CSMD1: variants seen among roughly 807,000 people sequenced by gnomAD.
CSMD1 encodes CUB and sushi domain-containing protein 1.
In CSMD1, 213 loss-of-function variants were observed where a neutral mutation model predicts 417.5. That is an observed-to-expected ratio of 0.51 (90% CI 0.46 to 0.57). CSMD1 has a LOEUF of 0.57. Among genes scored for constraint, CSMD1 ranks in the 20% least tolerant of loss-of-function variants. The pLI is 0.00. For missense variants in CSMD1, 6,923 were observed against 4,529.7 expected (o/e 1.53, Z -15.17); for synonymous variants, 2,862 against 1,736.8 (o/e 1.65, Z -16.11).
At chr8:4,371,391 C>G (rs567926329) in intron 3 of CSMD1, among the ~76,000 whole-genome samples, 3 of 152,208 alleles carry the variant, frequency 2.0e-5, no homozygotes, top group South Asian at 4.1e-4. Context: ...TTGTATTAAA[C>G]ATATTTTTAT....
At chr8:3,839,378 T>C (rs1802948445) in intron 5 of CSMD1, among the ~76,000 whole-genome samples, 1 of 68,862 alleles carries the variant, frequency 1.5e-5, no homozygotes, top group African/African-American at 4.6e-5. Flanking sequence ...TCTCTCTAGA[T>C]ATACAGTCTC....
At chr8:4,558,348 G>A (rs1231024359) in intron 2 of CSMD1, among the ~76,000 whole-genome samples, 14 of 152,020 alleles carry the variant, frequency 9.2e-5, no homozygotes, top group African/African-American at 2.7e-4. Context: ...AAAACTCTCC[G>A]TAGTATTATA....
chr8:3,680,857 A>G (rs1025607233), intron 7 of CSMD1, among the ~76,000 whole-genome samples: 1 of 152,246 alleles, frequency 6.6e-6, no homozygotes. Flanking sequence ...AGTGGGCTTC[A>G]TCCCTGGGAT....
At chr8:3,372,712 A>C (rs1810044681) in intron 18 of CSMD1, among the ~76,000 whole-genome samples, 1 of 152,082 alleles carries the variant, frequency 6.6e-6, no homozygotes, top group South Asian at 2.1e-4. Context: ...AGCTTTGGAT[A>C]CCAAAGCTCC....
chr8:4,089,079 T>TA (rs1406952992), intron 3 of CSMD1, among the ~76,000 whole-genome samples: 1 of 152,210 alleles, frequency 6.6e-6, no homozygotes, highest in African/African-American at 2.4e-5. Flanking sequence ...TTCTGACAAA[T>TA]AGTACCATGT....
At chr8:3,299,913 T>C (rs955509419) in intron 25 of CSMD1, among the ~76,000 whole-genome samples, 1 of 152,234 alleles carries the variant, frequency 6.6e-6, no homozygotes, top group African/African-American at 2.4e-5. Flanking sequence ...CTACTCCTTT[T>C]AGAGGCAATT....
chr8:4,669,751 G>A (rs186635771), intron 1 of CSMD1, among the ~76,000 whole-genome samples: 2 of 151,984 alleles, frequency 1.3e-5, no homozygotes, highest in African/African-American at 4.8e-5. Context: ...CACCTTCTTA[G>A]GGTCAGAGGT....
At chr8:4,962,191 T>C (rs1349257520) in intron 1 of CSMD1, among the ~76,000 whole-genome samples, 1 of 139,176 alleles carries the variant, frequency 7.2e-6, no homozygotes. Context: ...ATTTCTGCTT[T>C]TTTTTTAAAA....
At chr8:3,510,008 C>G (rs1457414169) in intron 10 of CSMD1, among the ~76,000 whole-genome samples, 2 of 152,178 alleles carry the variant, frequency 1.3e-5, no homozygotes, top group African/African-American at 4.8e-5. Context: ...CTCCAATTGA[C>G]GTATACAAGT....
chr8:4,182,558 T>C (rs531953429), intron 3 of CSMD1, among the ~76,000 whole-genome samples: 1 of 152,272 alleles, frequency 6.6e-6, no homozygotes, highest in African/African-American at 2.4e-5. Flanking sequence ...TCAAACATAA[T>C]GATGTATGAT....
chr8:3,570,137 T>C (rs1338113681), intron 10 of CSMD1, among the ~76,000 whole-genome samples: 1 of 152,220 alleles, frequency 6.6e-6, no homozygotes, highest in Non-Finnish European at 1.5e-5. Flanking sequence ...AAAAGTCCAC[T>C]TTAAGAAATC....
chr8:4,648,413 T>C (rs2130887501), intron 1 of CSMD1, among the ~76,000 whole-genome samples: 1 of 152,280 alleles, frequency 6.6e-6, no homozygotes, highest in South Asian at 2.1e-4. Flanking sequence ...GCCTCAGCCA[T>C]GAGTCTTGGG....
At chr8:4,485,663 A>C in intron 2 of CSMD1, among the ~76,000 whole-genome samples, 1 of 152,152 alleles carries the variant, frequency 6.6e-6, no homozygotes, top group Non-Finnish European at 1.5e-5. Flanking sequence ...GCCCAGGTAA[A>C]TGAGGCTGAC....
chr8:4,853,101 G>C (rs1563591769), intron 1 of CSMD1, among the ~76,000 whole-genome samples: 1 of 152,188 alleles, frequency 6.6e-6, no homozygotes, highest in South Asian at 2.1e-4. Flanking sequence ...TGGTAGAAAA[G>C]AAAAGCATGT....
chr8:4,100,152 A>T (rs373144622), intron 3 of CSMD1, among the ~76,000 whole-genome samples: 2 of 152,136 alleles, frequency 1.3e-5, no homozygotes, highest in East Asian at 1.9e-4. Flanking sequence ...CTTGGTTTTT[A>T]TGTGAGTAAA....
chr8:3,424,419 A>G (rs1813691955), intron 12 of CSMD1, among the ~76,000 whole-genome samples: 1 of 152,226 alleles, frequency 6.6e-6, no homozygotes, highest in Non-Finnish European at 1.5e-5. Flanking sequence ...AGCAAAACAT[A>G]CCACAAGGTA....
chr8:4,824,397 G>C (rs971451128), intron 1 of CSMD1, among the ~76,000 whole-genome samples: 6 of 152,078 alleles, frequency 3.9e-5, no homozygotes, highest in African/African-American at 9.7e-5. Context: ...AAGTGATTAA[G>C]TCCCTGAGAC....
chr8:3,436,754 A>G (rs1253353382), intron 12 of CSMD1, among the ~76,000 whole-genome samples: 1 of 152,218 alleles, frequency 6.6e-6, no homozygotes, highest in East Asian at 1.9e-4. Context: ...GAGCATTTTT[A>G]GGAGTAAGGC....
At chr8:4,151,969 A>T (rs1174614431) in intron 3 of CSMD1, among the ~76,000 whole-genome samples, 2 of 152,172 alleles carry the variant, frequency 1.3e-5, no homozygotes, top group African/African-American at 4.8e-5. Context: ...AAGCAGTTAC[A>T]ATCCTTCCTG....
Sources: allele counts gnomAD v4.1 joint callset (sites outside exome capture counted in the v4.1 genomes callset), GRCh38; gene constraint gnomAD v4.1.1; transcripts MANE v1.5; gene names NCBI Gene and HGNC (gene_info 2026-07-23, HGNC 2026-07-21).